ZSCAN22: variants seen among roughly 807,000 people sequenced by gnomAD.
ZSCAN22 encodes zinc finger and SCAN domain-containing protein 22.
Under a neutral mutation model 12.4 loss-of-function variants are expected in ZSCAN22, and 7 were observed. The observed-to-expected ratio is 0.57, with a 90% confidence interval of 0.32 to 1.06. ZSCAN22 has a LOEUF of 1.06. Ranked by LOEUF, ZSCAN22 falls within the 50% of genes least tolerant of loss-of-function variation. ZSCAN22 has a pLI of 0.04. For missense variants in ZSCAN22, 576 were observed against 631.7 expected, an observed-to-expected ratio of 0.91 and a Z score of 0.94; for synonymous variants, 243 against 255.9, an observed-to-expected ratio of 0.95 and a Z score of 0.48.
rs1426055174 is a variant in ZSCAN22 at position 58,341,688 on chromosome 19, A to G, written c.*2362A>G. 6.6e-6 allele frequency: 1 copy of G among 152,244 alleles called. No homozygotes were observed. Among genetic ancestry groups the G allele is most frequent in the Non-Finnish European group, 1.5e-5 (1 of 68,070 alleles). 9.4% of individuals were successfully genotyped at this position (152,244 alleles called of 1,614,324 possible). On this transcript the variant is annotated 3_prime_UTR_variant, in exon 3 of 3. Coordinates refer to ENST00000329665, the MANE Select transcript of ZSCAN22 (RefSeq NM_181846.3). ...TCGTGTGCCAGAGGCTGAGAGACTG[A>G]GAGGGATGACAGGCTTAGGGGAAAA... is the stretch of plus-strand genomic sequence containing the variant.
Position 58,338,993 on chromosome 19 carries a change from G to A in ZSCAN22, c.1143G>A (p.Glu381=). The change falls in exon 3 of 3, where the codon GAG becomes GAA. Residue 381 remains glutamate (E), a synonymous_variant. Transcript: ENST00000329665. This position sits in a 1 kb window ranked among gnomAD's most constrained non-coding sequence, Gnocchi z 5.4. ...TGCACACGGGGGAGCGGCCCTACGA[G>A]TGTGACGCGTGTGGGAAAGCCTTCA... ...QRVHTGERPY[E]CDACGKAFSQ... is the part of the protein sequence containing the mutation. 1.2e-6 allele frequency: 2 copies of A among 1,612,242 alleles called. No individual in the cohort carries two copies. The highest frequency in any genetic ancestry group is 4.5e-5 in the East Asian group (2 of 44,776).
At position 58,340,069 on chromosome 19, in the gene ZSCAN22, A is replaced by T. The variant is rs999711259; in HGVS notation, c.*743A>T. 1 of 152,284 alleles carries T rather than the reference A, an allele frequency of 6.6e-6. No individual in the cohort carries two copies. Among genetic ancestry groups the T allele is most frequent in the Non-Finnish European group, 1.5e-5 (1 of 68,214 alleles). 9.4% of individuals were successfully genotyped at this position (152,284 alleles called of 1,614,324 possible). On this transcript the variant is annotated 3_prime_UTR_variant, in exon 3 of 3. Coordinates refer to ENST00000329665, the MANE Select transcript of ZSCAN22 (RefSeq NM_181846.3). ...TGAGCCCTCATTGCCTCTTGCCTGG[A>T]TTATAGCCGGGGTCTCCTTCCTGAC...
rs140547990 is a variant in ZSCAN22, at chr19:58,332,118, G to A, written c.-51-2634G>A. ...GAACTCCTGACCTCGTGATCTACTC[G>A]CCTCGGTCTCCCAGAGTGCTGGGAT... On this transcript the variant is annotated intron_variant, in intron 1 of 2. Transcript: ENST00000329665. Among the ~76,000 whole-genome samples the A allele has an allele frequency of 3.0e-3, 452 of 148,316 alleles. 1 individual carries two copies. The highest frequency in any genetic ancestry group is 9.0e-3 in the African/African-American group (363 of 40,152).
rs2051839536 is a variant in ZSCAN22 at position 58,339,145 on chromosome 19, G to C, written c.1295G>C (p.Gly432Ala). The C allele has an allele frequency of 6.2e-7, 1 of 1,614,132 alleles. No individual in the cohort carries two copies. Among genetic ancestry groups the C allele is most frequent in the African/African-American group, 1.3e-5 (1 of 74,944 alleles). Residue 432 changes from glycine (G) to alanine (A), a missense_variant, in exon 3 of 3, where the codon GGA (glycine) becomes GCA (alanine). Gly to Ala is a moderately conservative substitution (Grantham distance 60, BLOSUM62 0). Transcript: ENST00000329665. The surrounding 1 kb of genome is among the most constrained non-coding windows in gnomAD (Gnocchi z 5.6). The part of the protein sequence containing the change: ...ALIRHLRIHS[G>A]EKPYQCKVCP... ...ATCCGACATCTGAGAATCCACTCTG[G>C]AGAGAAGCCATATCAGTGTAAGGTT...
At chr19:58,331,168 G>A (rs58617733) in intron 1 of ZSCAN22, among the ~76,000 whole-genome samples, 15,568 of 151,704 alleles carry the variant, frequency 0.1, 1,278 homozygotes, top group African/African-American at 0.21. Flanking sequence ...TTTGTGTAGA[G>A]GCCTGACTTA....
intron 1 of ZSCAN22, among the ~76,000 whole-genome samples, chr19:58,332,423 G>A (rs2051738575): frequency 6.6e-6 from 1 of 151,684 alleles, no homozygotes; most frequent in African/African-American, 2.4e-5. Flanking sequence ...ACAGGTGCCT[G>A]CCACCACACC....
In ZSCAN22 at chr19:58,332,463, C is replaced by T. The variant is rs577168206; in HGVS notation, c.-51-2289C>T. Among the ~76,000 whole-genome samples, 11 of 151,126 alleles carry T rather than the reference C, an allele frequency of 7.3e-5. No individual in the cohort carries two copies. The South Asian group carries it at 1.3e-3, about 17-fold the overall frequency. On this transcript the variant is annotated intron_variant, in intron 1 of 2. Transcript: ENST00000329665. ...TAATTTTTGTATTTTTTAGTAGAGA[C>T]GGGGTTTCACTGTGTTGGCCAGGCT...
At chr19:58,327,775 T>C (rs2051672034) in intron 1 of ZSCAN22, among the ~76,000 whole-genome samples, 1 of 152,176 alleles carries the variant, frequency 6.6e-6, no homozygotes, top group Non-Finnish European at 1.5e-5. Flanking sequence ...TGATTTTCTT[T>C]GTGTGTCCTT....
In ZSCAN22 at chr19:58,338,183, C is replaced by T. The variant is rs371077623; in HGVS notation, c.404-71C>T. The T allele has an allele frequency of 2.4e-5, 34 of 1,392,972 alleles. No individual in the cohort carries two copies. Among genetic ancestry groups the T allele is most frequent in the African/African-American group, 1.7e-4 (12 of 69,420 alleles). 86.3% of individuals were successfully genotyped at this position (1,392,972 alleles called of 1,614,324 possible). Reference sequence around the variant, plus strand: ...CACATCTCCCCTTACAAAGTGTGACCGGGGCCCTCGGCAGAGTAGGGGAGG... The same window carrying T: ...CACATCTCCCCTTACAAAGTGTGACTGGGGCCCTCGGCAGAGTAGGGGAGG... On this transcript the variant is annotated intron_variant, in intron 2 of 2. Transcript: ENST00000329665. The surrounding 1 kb of genome is among the most constrained non-coding windows in gnomAD (Gnocchi z 5.4).
rs1385862419 is a variant in ZSCAN22 at position 58,338,432 on chromosome 19, G to T, written c.582G>T (p.Trp194Cys). The T allele has an allele frequency of 1.2e-6, 2 of 1,614,054 alleles. No homozygotes were observed. The highest frequency in any genetic ancestry group is 1.7e-6 in the Non-Finnish European group (2 of 1,180,036). Residue 194 changes from tryptophan (W) to cysteine (C), a missense_variant, in exon 3 of 3, where the codon TGG (tryptophan) becomes TGT (cysteine). Transcript: ENST00000329665. This position sits in a 1 kb window ranked among gnomAD's most constrained non-coding sequence, Gnocchi z 5.4. ...GGTCTGGACTATCAGGGGAGATCTGGACAAAGTCTGTCACCCAACAGATCC... is the reference window on the plus strand; with the variant it reads ...GGTCTGGACTATCAGGGGAGATCTGTACAAAGTCTGTCACCCAACAGATCC... ...SERSGLSGEI[W>C]TKSVTQQIHF...
Position 58,338,406 on chromosome 19 carries a change from A to G in ZSCAN22, c.556A>G (p.Arg186Gly). Reference protein sequence around the residue: ...KACEPEGSSERSGLSGEIWTK... With the variant: ...KACEPEGSSEGSGLSGEIWTK... ...ATGTGAACCTGAGGGCAGCTCAGAG[A>G]GGTCTGGACTATCAGGGGAGATCTG... The change falls in exon 3 of 3, where the codon AGG becomes GGG. Residue 186 changes from arginine to glycine, a missense_variant. By Grantham distance (125) the Arg-to-Gly change is moderately radical. Coordinates refer to ENST00000329665, the MANE Select transcript of ZSCAN22 (RefSeq NM_181846.3). The surrounding 1 kb of genome is among the most constrained non-coding windows in gnomAD (Gnocchi z 5.4). 6.2e-7 allele frequency: 1 copy of G among 1,614,152 alleles called. No homozygotes were observed. The highest frequency in any genetic ancestry group is 8.5e-7 in the Non-Finnish European group (1 of 1,180,006).
At chr19:58,336,594 A>G (rs2147988920) in intron 2 of ZSCAN22, among the ~76,000 whole-genome samples, 1 of 152,150 alleles carries the variant, frequency 6.6e-6, no homozygotes, top group Non-Finnish European at 1.5e-5. Context: ...CCTGGAGGAG[A>G]ACATTCTGGA....
chr19:58,330,497 G>GT (rs551855723), intron 1 of ZSCAN22, among the ~76,000 whole-genome samples: 13 of 152,312 alleles, frequency 8.5e-5, no homozygotes, highest in African/African-American at 3.1e-4. Flanking sequence ...CATGAAAGTA[G>GT]TTTTTTGCTG....
chr19:58,335,192 G>A lies in ZSCAN22; in HGVS notation c.390G>A (p.Val130=). 3 of 1,601,228 alleles carry A rather than the reference G, an allele frequency of 1.9e-6. No individual in the cohort carries two copies. The highest frequency in any genetic ancestry group is 2.6e-6 in the Non-Finnish European group (3 of 1,173,200). The change falls in exon 2 of 3, where the codon GTG becomes GTA. Residue 130 remains valine (V), a synonymous_variant. Transcript: ENST00000329665. The surrounding 1 kb of genome is among the most constrained non-coding windows in gnomAD (Gnocchi z 4.1). ...AAVLVEDLTQ[V]LDKRGWDPGA... is the part of the protein sequence containing the mutation. ...TGCTGGTGGAGGATCTGACTCAGGT[G>A]CTGGACAAGAGAGGTAAAGGGGCGC... is the stretch of plus-strand genomic sequence containing the variant.
intron 2 of ZSCAN22, among the ~76,000 whole-genome samples, chr19:58,336,782 CACG>C (rs1434734042): frequency 1.3e-5 from 2 of 152,242 alleles, no homozygotes; most frequent in African/African-American, 4.8e-5. Context: ...TGGGGCCCAG[CACG>C]ACAAGAGCCT....
intron 1 of ZSCAN22, among the ~76,000 whole-genome samples, chr19:58,328,251 G>C (rs549496516): frequency 6.6e-6 from 1 of 152,326 alleles, no homozygotes; most frequent in South Asian, 2.1e-4. Context: ...GAGATAATAT[G>C]TGTTAATATC....
chr19:58,334,322 T>C (rs2051763598), intron 1 of ZSCAN22, among the ~76,000 whole-genome samples: 1 of 152,072 alleles, frequency 6.6e-6, no homozygotes, highest in African/African-American at 2.4e-5. Context: ...TTTTGTTTGT[T>C]TGTTTTTGTT....
rs1031491563 is a variant in ZSCAN22, at chr19:58,335,151, G to A, written c.349G>A (p.Gly117Arg). 8.1e-6 allele frequency: 13 copies of A among 1,613,138 alleles called. No individual in the cohort carries two copies. The highest frequency in any genetic ancestry group is 5.3e-5 in the African/African-American group (4 of 74,892). The change falls in exon 2 of 3, where the codon GGA becomes AGA. Residue 117 changes from glycine to arginine, a missense_variant. Gly to Arg is a moderately radical substitution (Grantham distance 125, BLOSUM62 -2). Coordinates refer to ENST00000329665, the MANE Select transcript of ZSCAN22 (RefSeq NM_181846.3). This position sits in a 1 kb window ranked among gnomAD's most constrained non-coding sequence, Gnocchi z 4.1. ...GGTGGGAGCCCAGAGTCCCAAGAGC[G>A]GAGAGGAAGCCGCTGTGCTGGTGGA... ...AWVGAQSPKSGEEAAVLVEDL... is the reference protein window; with the variant it reads ...AWVGAQSPKSREEAAVLVEDL...
intron 1 of ZSCAN22, among the ~76,000 whole-genome samples, chr19:58,330,926 C>T (rs910498371): frequency 1.3e-5 from 2 of 152,332 alleles, no homozygotes; most frequent in East Asian, 3.9e-4. Context: ...GAGTAGGCAC[C>T]TAATGGGGCT....
Sources: gnomAD v4.1 joint callset for allele counts (sites outside exome capture counted in the v4.1 genomes callset) on GRCh38, gnomAD v4.1.1 for gene constraint, Gnocchi (gnomAD v3.1) non-coding constraint, MANE v1.5 for transcripts, NCBI Gene and HGNC (gene_info 2026-07-23, HGNC 2026-07-21) for gene names.